AGAP1: variants seen among roughly 807,000 people sequenced by gnomAD.
AGAP1 encodes arf-GAP with GTPase, ANK repeat and PH domain-containing protein 1.
AGAP1 carries 29 observed loss-of-function variants against 105.3 expected under a neutral mutation model. The observed-to-expected ratio is 0.28, with a 90% CI of 0.21 to 0.38. The LOEUF (loss-of-function observed/expected upper bound fraction) is 0.38. AGAP1 is among the 10% of genes least tolerant of loss of function. AGAP1 has a pLI of 1.00. For missense variants in AGAP1, 998 were observed against 1,165.1 expected (o/e 0.86, Z 2.09); for synonymous variants, 509 against 485.9 (o/e 1.05, Z -0.63).
intron 1 of AGAP1, among the ~76,000 whole-genome samples, chr2:235,658,293 C>T: frequency 6.6e-6 from 1 of 152,250 alleles, no homozygotes; most frequent in South Asian, 2.1e-4. Flanking sequence ...AACGGTGCTG[C>T]TATTTTCCTT....
At chr2:235,653,307 T>TAC (rs1276333223) in intron 1 of AGAP1, among the ~76,000 whole-genome samples, 6 of 150,550 alleles carry the variant, frequency 4.0e-5, no homozygotes, top group African/African-American at 1.5e-4. Context: ...CTCCTAAAAA[T>TAC]AAAAAAATTA....
intron 17 of AGAP1, among the ~76,000 whole-genome samples, chr2:236,122,460 G>A (rs975146537): frequency 2.6e-5 from 4 of 152,134 alleles, no homozygotes; most frequent in Admixed American, 6.5e-5. Context: ...CTTTGATGGC[G>A]CTGGTTCCAT....
chr2:235,888,205 G>A lies in AGAP1; in HGVS notation c.1155+4756G>A, dbSNP rs1462531264. On this transcript the variant is annotated intron_variant, in intron 10 of 17. Coordinates refer to ENST00000304032, the MANE Select transcript of AGAP1 (RefSeq NM_001037131.3). This position sits in a 1 kb window ranked among gnomAD's most constrained non-coding sequence, Gnocchi z 4.8. ...GCCAATGTGGTTATGGGCAGGGGGC[G>A]GGGGAGCGGGTAGTTCAGGAGGATC... Among the ~76,000 whole-genome samples the A allele has an allele frequency of 3.9e-5, 6 of 152,268 alleles. No homozygotes were observed. The highest frequency in any genetic ancestry group is 3.4e-3 in the Middle Eastern group (1 of 294).
intron 1 of AGAP1, among the ~76,000 whole-genome samples, chr2:235,666,014 A>G (rs1948115354): frequency 6.6e-6 from 1 of 152,234 alleles, no homozygotes; most frequent in Non-Finnish European, 1.5e-5. Context: ...GACGGTGGCC[A>G]AAGCATCTCA....
chr2:235,813,608 C>T (rs563588518), intron 9 of AGAP1, among the ~76,000 whole-genome samples: 32 of 152,340 alleles, frequency 2.1e-4, no homozygotes, highest in African/African-American at 7.5e-4. Context: ...AGCATGGGCT[C>T]CGATCCCACA....
chr2:236,041,155 A>C (rs910550920), intron 15 of AGAP1, among the ~76,000 whole-genome samples: 1 of 152,142 alleles, frequency 6.6e-6, no homozygotes, highest in African/African-American at 2.4e-5. Context: ...GAAGCCCAGG[A>C]ATTCAAGACG....
intron 16 of AGAP1, among the ~76,000 whole-genome samples, chr2:236,091,510 C>A (rs1193004742): frequency 6.6e-6 from 1 of 152,218 alleles, no homozygotes; most frequent in African/African-American, 2.4e-5. Flanking sequence ...GTGGCTCACT[C>A]CTGTAATCCC....
chr2:235,640,321 A>C (rs1575020492), intron 1 of AGAP1, among the ~76,000 whole-genome samples: 1 of 152,378 alleles, frequency 6.6e-6, no homozygotes, highest in South Asian at 2.1e-4. Context: ...TCTACTGGCT[A>C]TATGGCCTCA....
At position 235,965,646 on chromosome 2, in the gene AGAP1, G is replaced by T. The variant is rs1042193550; in HGVS notation, c.1484-2816G>T. ...TGGTAGGGATACCACGTGCCTCAGC[G>T]GATTGCTTAAGAGTCCTGAACGCAT... On this transcript the variant is annotated intron_variant, in intron 12 of 17. Coordinates refer to ENST00000304032, the MANE Select transcript of AGAP1 (RefSeq NM_001037131.3). The surrounding 1 kb of genome is among the most constrained non-coding windows in gnomAD (Gnocchi z 5.8). 1.3e-5 allele frequency among the ~76,000 whole-genome samples: 2 copies of T among 152,114 alleles called. No individual in the cohort carries two copies. The highest frequency in any genetic ancestry group is 2.9e-5 in the Non-Finnish European group (2 of 68,024).
At chr2:235,564,650 ACCACCACCCAGGGCCAGG>A (rs1944282565) in intron 1 of AGAP1, among the ~76,000 whole-genome samples, 2 of 146,842 alleles carry the variant, frequency 1.4e-5, no homozygotes, top group South Asian at 4.4e-4. Flanking sequence ...GTGAGCCTGG[ACCACCACCCAGGGCCAGG>A]TGTGAGCCTG....
intron 3 of AGAP1, among the ~76,000 whole-genome samples, chr2:235,738,850 G>A (rs956331036): frequency 3.3e-5 from 5 of 152,140 alleles, no homozygotes; most frequent in South Asian, 2.1e-4. Context: ...GAGCCACCGC[G>A]CCCAGCCTTA....
intron 6 of AGAP1, among the ~76,000 whole-genome samples, chr2:235,790,508 TG>T (rs1419846785): frequency 6.6e-6 from 1 of 152,126 alleles, no homozygotes; most frequent in Non-Finnish European, 1.5e-5. Context: ...CAGGTAGAAA[TG>T]ACCTGTATCT....
rs1379036291 is a variant in AGAP1, at chr2:236,120,538, CTGT to C, written c.2370+96_2370+98del. The C allele has an allele frequency of 1.9e-6, 3 of 1,564,374 alleles. No homozygotes were observed. The highest frequency in any genetic ancestry group is 2.6e-6 in the Non-Finnish European group (3 of 1,158,222). On this transcript the variant is annotated intron_variant, in intron 17 of 17. Transcript: ENST00000304032. This position sits in a 1 kb window ranked among gnomAD's most constrained non-coding sequence, Gnocchi z 6.0. The stretch of plus-strand genomic sequence containing the variant: ...CCGTGGGCATCTTTCTGGCAGAAGG[CTGT>C]TGTTCTCGATCTGCAAGTGGAAACA...
In AGAP1 at chr2:235,569,253, T is replaced by C. The variant is rs112057093; in HGVS notation, c.163+74404T>C. 0.03 allele frequency among the ~76,000 whole-genome samples: 4,524 copies of C among 152,160 alleles called. 123 individuals are homozygous for C. The highest frequency in any genetic ancestry group is 0.075 in the Middle Eastern group (22 of 294). On this transcript the variant is annotated intron_variant, in intron 1 of 17. Transcript: ENST00000304032. The surrounding 1 kb of genome is among the most constrained non-coding windows in gnomAD (Gnocchi z 5.9). ...TCGCTTGAACCCAGGAGGCGGAGGTTGTAGTGACCCAAGATCACGCCATTG... is the reference window on the plus strand; with the variant it reads ...TCGCTTGAACCCAGGAGGCGGAGGTCGTAGTGACCCAAGATCACGCCATTG...
At chr2:235,581,109 C>G (rs1276235983) in intron 1 of AGAP1, among the ~76,000 whole-genome samples, 1 of 129,144 alleles carries the variant, frequency 7.7e-6, no homozygotes, top group African/African-American at 2.9e-5. Flanking sequence ...CTAGCCTGGC[C>G]AACATGGTGA....
intron 16 of AGAP1, chr2:236,072,443 CAA>C (rs35144826): frequency 9.4e-5 from 13 of 138,684 alleles, no homozygotes; most frequent in Non-Finnish European, 9.4e-5. Context: ...GACTCTGTCT[CAA>C]AAAAAAAAAA....
chr2:235,940,482 C>T (rs2125208907), intron 12 of AGAP1, among the ~76,000 whole-genome samples: 1 of 152,304 alleles, frequency 6.6e-6, no homozygotes, highest in East Asian at 1.9e-4. Context: ...CTCCATGGCT[C>T]CAGCCGGCGG....
chr2:235,719,004 G>T lies in AGAP1; in HGVS notation c.310+1360G>T, dbSNP rs1220263380. ...GTGACACCTTTTAGAGAATCTTTTA[G>T]AGATTTTTCCTTTGGGTTTTCCACT... is the stretch of plus-strand genomic sequence containing the variant. On this transcript the variant is annotated intron_variant, in intron 3 of 17. Transcript: ENST00000304032. The surrounding 1 kb of genome is among the most constrained non-coding windows in gnomAD (Gnocchi z 4.9). Among the ~76,000 whole-genome samples the T allele has an allele frequency of 6.6e-6, 1 of 151,842 alleles. No homozygotes were observed. Among genetic ancestry groups the T allele is most frequent in the African/African-American group, 2.4e-5 (1 of 41,126 alleles).
chr2:235,940,854 G>A (rs993549756), intron 12 of AGAP1, among the ~76,000 whole-genome samples: 1 of 152,094 alleles, frequency 6.6e-6, no homozygotes, highest in African/African-American at 2.4e-5. Flanking sequence ...ACCTGGAGCT[G>A]TGTCCATCCC....
Sources: allele counts gnomAD v4.1 joint callset (sites outside exome capture counted in the v4.1 genomes callset), GRCh38; gene constraint gnomAD v4.1.1; non-coding constraint Gnocchi (gnomAD v3.1); transcripts MANE v1.5; gene names NCBI Gene and HGNC (gene_info 2026-07-23, HGNC 2026-07-21).